Variants in MYZAP observed in about 807,000 individuals in gnomAD.
MYZAP encodes the protein GRINL1A complex locus upstream.
MYZAP carries 66 observed loss-of-function variants against 69.4 expected under a neutral mutation model. The ratio of observed to expected loss-of-function variants is 0.95; its 90% CI spans 0.78 to 1.17. The LOEUF (loss-of-function observed/expected upper bound fraction) is 1.17, where lower values mean the gene tolerates loss of function less well. MYZAP is among the 50% of genes most tolerant of loss of function. MYZAP has a pLI of 0.00. For missense variants in MYZAP, 611 were observed against 556.2 expected, an observed-to-expected ratio of 1.10 and a Z score of -0.99; for synonymous variants, 256 against 205.9, an observed-to-expected ratio of 1.24 and a Z score of -2.09.
intron 12 of MYZAP, among the ~76,000 whole-genome samples, chr15:57,680,170 C>T (rs2039359131): frequency 6.6e-6 from 1 of 152,154 alleles, no homozygotes; most frequent in Non-Finnish European, 1.5e-5. Context: ...ACTGCTTTCC[C>T]AGCTACCTAA....
intron 4 of MYZAP, among the ~76,000 whole-genome samples, chr15:57,623,195 C>T (rs2035924109): frequency 1.3e-5 from 2 of 152,146 alleles, no homozygotes; most frequent in Admixed American, 6.5e-5. Flanking sequence ...GGACATTGTT[C>T]ACAGGCCTGT....
Position 57,640,949 on chromosome 15 carries a change from T to A in MYZAP, c.1119+1404T>A, listed in dbSNP as rs142894481. 7.8e-3 allele frequency among the ~76,000 whole-genome samples: 1,187 copies of A among 152,306 alleles called. 10 individuals carry two copies. Among genetic ancestry groups the A allele is most frequent in the Middle Eastern group, 0.017 (5 of 294 alleles). On this transcript the variant is annotated intron_variant, in intron 10 of 12. Coordinates refer to ENST00000267853, the MANE Select transcript of MYZAP (RefSeq NM_001018100.5). ...CACTAGGTAGATGTCAGGAGTGTAT[T>A]TTCCAAGGAAAAGCATCACTTTGCC...
At chr15:57,646,200 A>G (rs1000696816) in intron 10 of MYZAP, 8 of 1,289,360 alleles carry the variant, frequency 6.2e-6, no homozygotes. Context: ...ATAAGTTGGT[A>G]GCCTGCTCTG....
chr15:57,612,669 G>A (rs2035180559), intron 2 of MYZAP, among the ~76,000 whole-genome samples: 2 of 152,132 alleles, frequency 1.3e-5, no homozygotes. Flanking sequence ...CTCTTCAATG[G>A]CCAGTAAATC....
At position 57,629,798 on chromosome 15, in the gene MYZAP, G is replaced by A. The variant is rs935274009; in HGVS notation, c.622G>A (p.Glu208Lys). 6.2e-7 allele frequency: 1 copy of A among 1,614,008 alleles called. No individual in the cohort carries two copies. Reference sequence around the variant, plus strand: ...TGAAGCATCCATGGACAAGCTGAGGGAAAAGCAGAGGCAGTTGGAGGTAGC... The same window carrying A: ...TGAAGCATCCATGGACAAGCTGAGGAAAAAGCAGAGGCAGTTGGAGGTAGC... ...TYEASMDKLR[E>K]KQRQLEVAQV... The change falls in exon 6 of 13, where the codon GAA (glutamate) becomes AAA (lysine). Residue 208 changes from glutamate (E) to lysine (K), a missense_variant. Physicochemically the swap from Glu to Lys is moderately conservative, Grantham distance 56. Transcript: ENST00000267853.
intron 10 of MYZAP, among the ~76,000 whole-genome samples, chr15:57,653,285 T>C (rs187546022): frequency 1.2e-3 from 187 of 152,314 alleles, no homozygotes; most frequent in African/African-American, 4.5e-3. Context: ...GGGAAGTTTA[T>C]GCCATTACAT....
intron 10 of MYZAP, among the ~76,000 whole-genome samples, chr15:57,649,373 CT>C: frequency 6.6e-6 from 1 of 152,150 alleles, no homozygotes; most frequent in Non-Finnish European, 1.5e-5. Flanking sequence ...ACTGTGTGGA[CT>C]ATAATTTTGG....
At chr15:57,684,325 A>G (rs6493944) in intron 12 of MYZAP, 77 bp from the exon 13 acceptor site, 839,009 of 871,728 alleles carry the variant, frequency 0.96, 407,625 homozygotes, top group Non-Finnish European at 1. Flanking sequence ...CATTTTCTAG[A>G]GTTGTCTTAC....
At chr15:57,653,668 T>A (rs2037838248) in intron 10 of MYZAP, among the ~76,000 whole-genome samples, 1 of 151,858 alleles carries the variant, frequency 6.6e-6, no homozygotes, top group Non-Finnish European at 1.5e-5. Flanking sequence ...AGGGGAAAAC[T>A]TTTATAGGTG....
At chr15:57,642,866 A>G (rs1410868645) in intron 10 of MYZAP, among the ~76,000 whole-genome samples, 1 of 152,194 alleles carries the variant, frequency 6.6e-6, no homozygotes, top group Non-Finnish European at 1.5e-5. Context: ...TAGGACTTGT[A>G]CTATGTAGGA....
intron 2 of MYZAP, among the ~76,000 whole-genome samples, chr15:57,605,154 A>G (rs898294336): frequency 9.2e-5 from 14 of 152,200 alleles, no homozygotes; most frequent in African/African-American, 2.7e-4. Context: ...ACTGTTGTAT[A>G]CAGTGGGAAT....
At chr15:57,681,221 A>G (rs2039423992) in intron 12 of MYZAP, among the ~76,000 whole-genome samples, 3 of 152,134 alleles carry the variant, frequency 2.0e-5, no homozygotes, top group South Asian at 4.2e-4. Flanking sequence ...TGCCCCTGGC[A>G]TTCCACTAAA....
chr15:57,616,959 G>A (rs1441955743), intron 2 of MYZAP, among the ~76,000 whole-genome samples: 1 of 151,378 alleles, frequency 6.6e-6, no homozygotes, highest in Non-Finnish European at 1.5e-5. Context: ...GAGGTACCTG[G>A]GTCAGCCCTA....
In MYZAP at chr15:57,605,862, A is replaced by T. The variant is rs143658658; in HGVS notation, c.162+1507A>T. 5.9e-5 allele frequency among the ~76,000 whole-genome samples: 9 copies of T among 152,274 alleles called. No homozygotes were observed. The East Asian group carries it at 1.7e-3, about 29-fold the overall frequency. ...TAGCAGCCAGTTTGAATGGGCTTTCACTGGCCAAAATGGGAACAGCTGGAG... is the reference window on the plus strand; with the variant it reads ...TAGCAGCCAGTTTGAATGGGCTTTCTCTGGCCAAAATGGGAACAGCTGGAG... On this transcript the variant is annotated intron_variant, in intron 2 of 12. Coordinates refer to ENST00000267853, the MANE Select transcript of MYZAP (RefSeq NM_001018100.5).
chr15:57,597,389 A>G (rs1256604648), intron 1 of MYZAP, among the ~76,000 whole-genome samples: 1 of 152,250 alleles, frequency 6.6e-6, no homozygotes, highest in Non-Finnish European at 1.5e-5. Context: ...GGCGATTCTA[A>G]TGTGCAGCAA....
chr15:57,639,644 A>G, intron 10 of MYZAP, 99 bp downstream of exon 10: 1 of 1,397,590 alleles, frequency 7.2e-7, no homozygotes. Flanking sequence ...CCTGTGGCTC[A>G]CAAGCCGAGG....
intron 10 of MYZAP, among the ~76,000 whole-genome samples, chr15:57,648,880 C>T (rs1285003558): frequency 1.3e-5 from 2 of 151,036 alleles, no homozygotes; most frequent in African/African-American, 4.9e-5. Context: ...CCTTCTTTCA[C>T]CCTCTCTTCT....
At chr15:57,620,932 T>A (rs1363691206) in intron 3 of MYZAP, among the ~76,000 whole-genome samples, 5 of 151,074 alleles carry the variant, frequency 3.3e-5, no homozygotes, top group Non-Finnish European at 7.4e-5. Context: ...CAGAGTTTAT[T>A]TGGCTAATTA....
At chr15:57,682,819 A>G (rs780891855) in intron 12 of MYZAP, among the ~76,000 whole-genome samples, 2 of 152,034 alleles carry the variant, frequency 1.3e-5, no homozygotes, top group Non-Finnish European at 2.9e-5. Flanking sequence ...CCTTACACAT[A>G]CTGCCCCTTC....
Sources: allele counts gnomAD v4.1 joint callset (sites outside exome capture counted in the v4.1 genomes callset), GRCh38; gene constraint gnomAD v4.1.1; transcripts MANE v1.5; gene names NCBI Gene and HGNC (gene_info 2026-07-23, HGNC 2026-07-21).